Variants in LSM14A observed in about 807,000 individuals in gnomAD.
The protein encoded by LSM14A is protein LSM14 homolog A.
A neutral mutation model predicts 52.4 loss-of-function variants in LSM14A; 14 were observed. The observed-to-expected ratio is 0.27, with a 90% CI of 0.18 to 0.42. The LOEUF (loss-of-function observed/expected upper bound fraction) is 0.42, where lower values mean the gene tolerates loss of function less well. Among genes scored for constraint, LSM14A ranks in the 10% least tolerant of loss-of-function variants. The pLI is 1.00. For synonymous variants in LSM14A, 185 were observed against 200.3 expected, an observed-to-expected ratio of 0.92 and a Z score of 0.64; for missense variants, 417 against 581.8, an observed-to-expected ratio of 0.72 and a Z score of 2.91.
chr19:34,179,305 A>G (rs2069304186), intron 1 of LSM14A, among the ~76,000 whole-genome samples: 1 of 152,240 alleles, frequency 6.6e-6, no homozygotes, highest in African/African-American at 2.4e-5. Flanking sequence ...TGTTAGTCAC[A>G]TAGTCATAAA....
At chr19:34,211,107 A>T (rs1406299163) in intron 4 of LSM14A, among the ~76,000 whole-genome samples, 1 of 151,804 alleles carries the variant, frequency 6.6e-6, no homozygotes, top group Non-Finnish European at 1.5e-5. Flanking sequence ...GTTCGAGACC[A>T]GCCTGGCCAA....
At chr19:34,214,850 C>T (rs2072458286) in intron 4 of LSM14A, among the ~76,000 whole-genome samples, 1 of 149,718 alleles carries the variant, frequency 6.7e-6, no homozygotes, top group Non-Finnish European at 1.5e-5. Context: ...AACTCTTCCA[C>T]TAAGTAGAAA....
chr19:34,210,204 T>C (rs761430746), intron 4 of LSM14A, among the ~76,000 whole-genome samples: 1 of 152,190 alleles, frequency 6.6e-6, no homozygotes, highest in African/African-American at 2.4e-5. Flanking sequence ...CATAATCTTA[T>C]GTATTTCACT....
At chr19:34,196,211 A>AT (rs1555768800) in intron 2 of LSM14A, among the ~76,000 whole-genome samples, 5 of 152,192 alleles carry the variant, frequency 3.3e-5, no homozygotes. Flanking sequence ...ACGTCTGTGA[A>AT]TTTAATAGTA....
intron 1 of LSM14A, among the ~76,000 whole-genome samples, chr19:34,183,035 T>C (rs1396775964): frequency 6.6e-6 from 1 of 152,216 alleles, no homozygotes; most frequent in African/African-American, 2.4e-5. Context: ...TCCTCCACCC[T>C]GCTTTTTCAC....
chr19:34,216,535 CG>C (rs2072613566), intron 6 of LSM14A, among the ~76,000 whole-genome samples: 1 of 151,956 alleles, frequency 6.6e-6, no homozygotes, highest in Non-Finnish European at 1.5e-5. Context: ...TCTCAGCTCA[CG>C]GCAGCCTCCG....
intron 1 of LSM14A, among the ~76,000 whole-genome samples, chr19:34,176,158 A>G (rs1432929233): frequency 6.6e-6 from 1 of 152,190 alleles, no homozygotes; most frequent in Non-Finnish European, 1.5e-5. Context: ...CCTGAAGCCA[A>G]AAGTTTATTC....
At chr19:34,177,929 G>A (rs1209241964) in intron 1 of LSM14A, among the ~76,000 whole-genome samples, 1 of 152,122 alleles carries the variant, frequency 6.6e-6, no homozygotes, top group Non-Finnish European at 1.5e-5. Context: ...AGGAAGCTGA[G>A]GCAGGCGAAT....
At chr19:34,208,857 A>C in intron 3 of LSM14A, 72 bp from the exon 4 acceptor site, 1 of 1,025,670 alleles carries the variant, frequency 9.7e-7, no homozygotes, top group Non-Finnish European at 1.4e-6. Flanking sequence ...AAAATGCTGC[A>C]TTACTTTATA....
At chr19:34,205,487 CAAAAAAAAAAAAAAAAAAA>C (rs140536208) in intron 3 of LSM14A, among the ~76,000 whole-genome samples, 10 of 95,186 alleles carry the variant, frequency 1.1e-4, no homozygotes, top group African/African-American at 1.8e-4. Context: ...CTCCATCTCA[CAAAAAAAAAAAAAAAAAAA>C]AAAAAAAAAA....
At chr19:34,189,349 A>G (rs1350965764) in intron 1 of LSM14A, among the ~76,000 whole-genome samples, 1 of 152,202 alleles carries the variant, frequency 6.6e-6, no homozygotes, top group Non-Finnish European at 1.5e-5. Flanking sequence ...TTCAAATCCA[A>G]TTCAGTGATA....
At chr19:34,205,775 A>T (rs1022454565) in intron 3 of LSM14A, among the ~76,000 whole-genome samples, 2 of 152,244 alleles carry the variant, frequency 1.3e-5, no homozygotes, top group South Asian at 4.1e-4. Flanking sequence ...AAATAAAAAG[A>T]TAAGAGCAGA....
At chr19:34,192,310 CTTTTTGTTGT>C (rs2070439066) in intron 1 of LSM14A, among the ~76,000 whole-genome samples, 4 of 51,656 alleles carry the variant, frequency 7.7e-5, no homozygotes, top group Non-Finnish European at 8.3e-5. Context: ...AAATAACATT[CTTTTTGTTGT>C]TTTTTTTTTT....
rs1190226178 is a variant in LSM14A, at chr19:34,221,657, T to A, written c.1287T>A (p.Gly429=). 1.2e-6 allele frequency: 2 copies of A among 1,614,102 alleles called. No homozygotes were observed. Among genetic ancestry groups the A allele is most frequent in the Admixed American group, 3.3e-5 (2 of 59,998 alleles). Residue 429 remains glycine (G), a synonymous_variant, in exon 9 of 10, where the codon GGT becomes GGA. Coordinates refer to ENST00000544216, the MANE Select transcript of LSM14A (RefSeq NM_015578.4). The stretch of plus-strand genomic sequence containing the variant: ...GAGGGCGTGGTGGTGGCAGAGGTGG[T>A]ACCTTCACTGCCCCTCGAGGATTTC... ...GGRGRGGGRG[G]TFTAPRGFRG...
At chr19:34,197,902 TTA>T (rs2070984748) in intron 3 of LSM14A, among the ~76,000 whole-genome samples, 1 of 152,184 alleles carries the variant, frequency 6.6e-6, no homozygotes, top group Non-Finnish European at 1.5e-5. Context: ...ACAGGCTTGC[TTA>T]TGACTGGAGG....
At chr19:34,190,921 C>G (rs2070327812) in intron 1 of LSM14A, among the ~76,000 whole-genome samples, 1 of 151,706 alleles carries the variant, frequency 6.6e-6, no homozygotes, top group Admixed American at 6.6e-5. Context: ...ACAGTGAAAG[C>G]TTTTGATGAA....
intron 1 of LSM14A, among the ~76,000 whole-genome samples, chr19:34,174,938 T>C (rs1394345606): frequency 2.6e-5 from 4 of 152,234 alleles, no homozygotes; most frequent in Admixed American, 1.3e-4. Flanking sequence ...AAAGTATTTT[T>C]GTTCTTTTTT....
intron 3 of LSM14A, among the ~76,000 whole-genome samples, chr19:34,204,087 G>T (rs1272112493): frequency 6.6e-6 from 1 of 152,110 alleles, no homozygotes; most frequent in Non-Finnish European, 1.5e-5. Context: ...AGGTTGGGGG[G>T]GCGTTCTTCG....
At chr19:34,181,134 C>T (rs1286356980) in intron 1 of LSM14A, among the ~76,000 whole-genome samples, 2 of 152,142 alleles carry the variant, frequency 1.3e-5, no homozygotes, top group African/African-American at 2.4e-5. Context: ...CTGTCTAAGA[C>T]CACCCTTCCA....
Sources: gnomAD v4.1 joint callset for allele counts (sites outside exome capture counted in the v4.1 genomes callset) on GRCh38, gnomAD v4.1.1 for gene constraint, MANE v1.5 for transcripts, NCBI Gene and HGNC (gene_info 2026-07-23, HGNC 2026-07-21) for gene names.